The following USP8 variants were observed in gnomAD, a reference collection of about 807,000 sequenced individuals.
USP8 encodes ubiquitin specific peptidase 8.
In USP8, 27 loss-of-function variants were observed where a neutral mutation model predicts 130.0. That is an observed-to-expected ratio of 0.21 (90% CI 0.15 to 0.29). The LOEUF (loss-of-function observed/expected upper bound fraction) is 0.29. Ranked by LOEUF, USP8 falls within the 10% of genes least tolerant of loss-of-function variation. The probability of loss-of-function intolerance (pLI) is 1.00; values close to 1 mark genes in which losing one functional copy is unlikely to be tolerated. For missense variants in USP8, 1,029 were observed against 1,312.2 expected (o/e 0.78, Z 3.33); for synonymous variants, 392 against 444.1 (o/e 0.88, Z 1.48).
In USP8 at chr15:50,513,577, T is replaced by C. The variant is rs1250351639; in HGVS notation, c.*14489T>C. On this transcript the variant is annotated 3_prime_UTR_variant, in exon 20 of 20. Transcript: ENST00000307179. ...AGCCACAGAAGGTAATTTAAAAATG[T>C]ACACTCAAGATTTAAAAAGAACTAC... 1 of 146,686 alleles carries C rather than the reference T, an allele frequency of 6.8e-6. No homozygotes were observed. The highest frequency in any genetic ancestry group is 1.5e-5 in the Non-Finnish European group (1 of 66,924). The allele number at this position is 146,686 out of a possible 1,614,324, so 9.1% of individuals were successfully genotyped here.
At chr15:50,495,713 C>T in intron 16 of USP8, 135 bp from the exon 17 acceptor site, 1 of 662,208 alleles carries the variant, frequency 1.5e-6, no homozygotes, top group South Asian at 2.2e-5. Context: ...TTGCCACACT[C>T]AGTGAGATCA....
Position 50,501,723 on chromosome 15 carries a change from A to G in USP8, c.*2635A>G, listed in dbSNP as rs1425717819. The G allele has an allele frequency of 6.6e-6, 1 of 152,236 alleles. No homozygotes were observed. The highest frequency in any genetic ancestry group is 1.9e-4 in the East Asian group (1 of 5,182). 9.4% of individuals were successfully genotyped at this position (152,236 alleles called of 1,614,324 possible). On this transcript the variant is annotated 3_prime_UTR_variant, in exon 20 of 20. Coordinates refer to ENST00000307179, the MANE Select transcript of USP8 (RefSeq NM_005154.5). ...TGGAACAAAGGCATTAGAGAGGTGT[A>G]CTTCCAAGGAGGTGTTATGGTGTAT...
chr15:50,471,926 A>G (rs1338124526), intron 8 of USP8, 131 bp downstream of exon 8: 27 of 979,286 alleles, frequency 2.8e-5, no homozygotes, highest in Non-Finnish European at 4.0e-5. Flanking sequence ...TTTGAGACTG[A>G]GTCTCACTCT....
Position 50,511,085 on chromosome 15 carries a change from A to G in USP8, c.*11997A>G, listed in dbSNP as rs1158785942. ...CAGCCACCGTGCCCGGCCGATGTACACCAATGTTCTCTGTACAATTCTTTC... is the reference window on the plus strand; with the variant it reads ...CAGCCACCGTGCCCGGCCGATGTACGCCAATGTTCTCTGTACAATTCTTTC... On this transcript the variant is annotated 3_prime_UTR_variant, in exon 20 of 20. Transcript: ENST00000307179. The G allele has an allele frequency of 6.6e-6, 1 of 152,092 alleles. No homozygotes were observed. Among genetic ancestry groups the G allele is most frequent in the Non-Finnish European group, 1.5e-5 (1 of 68,000 alleles). 9.4% of individuals were successfully genotyped at this position (152,092 alleles called of 1,614,324 possible).
intron 1 of USP8, among the ~76,000 whole-genome samples, chr15:50,434,161 C>T (rs981491077): frequency 2.1e-4 from 31 of 151,174 alleles, no homozygotes; most frequent in African/African-American, 6.8e-4. Context: ...CTTGCTCTGT[C>T]GCCCAGACTC....
At chr15:50,443,601 A>G (rs1011898358) in intron 3 of USP8, among the ~76,000 whole-genome samples, 1 of 151,948 alleles carries the variant, frequency 6.6e-6, no homozygotes, top group Non-Finnish European at 1.5e-5. Context: ...CTCCTGCCTC[A>G]GCCTCCCGAG....
Position 50,501,119 on chromosome 15 carries a change from A to G in USP8, c.*2031A>G. Reference sequence around the variant, plus strand: ...GTTTATCAGTGAACATTTAGTTAGCACTTAATATACATCAACTATTAAGCA... The same window carrying G: ...GTTTATCAGTGAACATTTAGTTAGCGCTTAATATACATCAACTATTAAGCA... On this transcript the variant is annotated 3_prime_UTR_variant, in exon 20 of 20. Transcript: ENST00000307179. The G allele has an allele frequency of 3.0e-6, 1 of 332,242 alleles. No individual in the cohort carries two copies. The highest frequency in any genetic ancestry group is 5.8e-6 in the Non-Finnish European group (1 of 172,188). 20.6% of individuals were successfully genotyped at this position (332,242 alleles called of 1,614,324 possible).
At chr15:50,456,164 G>A (rs1011477135) in intron 4 of USP8, among the ~76,000 whole-genome samples, 24 of 152,158 alleles carry the variant, frequency 1.6e-4, no homozygotes, top group African/African-American at 5.6e-4. Flanking sequence ...TTTTTAAGGC[G>A]AAAGGATAGC....
chr15:50,466,819 A>G, intron 7 of USP8: 1 of 295,424 alleles, frequency 3.4e-6, no homozygotes. Flanking sequence ...TCTATGAGCC[A>G]CAGCATAAAA....
intron 10 of USP8, among the ~76,000 whole-genome samples, chr15:50,480,517 G>A (rs1372677439): frequency 6.6e-6 from 1 of 152,164 alleles, no homozygotes; most frequent in Non-Finnish European, 1.5e-5. Flanking sequence ...GCTAGTTCTA[G>A]GAACCAGGGA....
chr15:50,485,550 A>ATTTTTTTTTTTTTT lies in USP8; in HGVS notation c.1890+1209_1890+1222dup, dbSNP rs71424071. The stretch of plus-strand genomic sequence containing the variant: ...CCCATTTTTAGCATGCAGTTTAGTG[A>ATTTTTTTTTTTTTT]TTTTTTTTTTTTTTTTTTTTTTTTT... On this transcript the variant is annotated intron_variant, in intron 12 of 19. Transcript: ENST00000307179. Among the ~76,000 whole-genome samples, 29 of 27,944 alleles carry ATTTTTTTTTTTTTT rather than the reference A, an allele frequency of 1.0e-3. 3 individuals carry two copies. The highest frequency in any genetic ancestry group is 4.0e-3 in the Admixed American group (5 of 1,246). The allele number at this position is 27,944 out of a possible 152,430, so 18.3% of individuals were successfully genotyped here. A position where few individuals can be genotyped will look rare whatever the true frequency, so the allele number is the denominator to read the frequency against.
chr15:50,479,947 G>T (rs1347389481), intron 10 of USP8, among the ~76,000 whole-genome samples: 2 of 152,000 alleles, frequency 1.3e-5, no homozygotes, highest in Non-Finnish European at 2.9e-5. Context: ...TTTTTGTAGA[G>T]ATGGGGTTTT....
At chr15:50,479,855 T>C (rs1018621055) in intron 10 of USP8, among the ~76,000 whole-genome samples, 12 of 151,836 alleles carry the variant, frequency 7.9e-5, no homozygotes, top group African/African-American at 2.7e-4. Context: ...ACTTCCTGGG[T>C]TCAAGCAATC....
intron 1 of USP8, among the ~76,000 whole-genome samples, chr15:50,431,577 G>A (rs2049933235): frequency 1.3e-5 from 2 of 152,124 alleles, no homozygotes. Context: ...ATTGAGATAG[G>A]TGCCAGGGAT....
intron 11 of USP8, among the ~76,000 whole-genome samples, chr15:50,482,370 G>A (rs553511621): frequency 1.3e-5 from 2 of 152,266 alleles, no homozygotes; most frequent in Admixed American, 1.3e-4. Flanking sequence ...ATGATCATGG[G>A]AAGACTAGAG....
chr15:50,509,906 T>C lies in USP8; in HGVS notation c.*10818T>C, dbSNP rs1459320304. 2.6e-5 allele frequency: 4 copies of C among 152,102 alleles called. No homozygotes were observed. The highest frequency in any genetic ancestry group is 1.3e-4 in the Admixed American group (2 of 15,262). The allele number at this position is 152,102 out of a possible 1,614,324, so 9.4% of individuals were successfully genotyped here. ...CAAGGGCCAGGAATAATCGAAATAC[T>C]ACTGAAAAATAAGAATAAAGTTGTG... is the stretch of plus-strand genomic sequence containing the variant. On this transcript the variant is annotated 3_prime_UTR_variant, in exon 20 of 20. Transcript: ENST00000307179.
chr15:50,481,235 A>G (rs56398519), intron 10 of USP8, among the ~76,000 whole-genome samples: 70,442 of 152,050 alleles, frequency 0.46, 18,362 homozygotes, highest in Non-Finnish European at 0.59. Context: ...ACTCTTTTGT[A>G]TACAAAACAC....
chr15:50,447,852 C>G (rs932162276), intron 3 of USP8, among the ~76,000 whole-genome samples: 1 of 152,008 alleles, frequency 6.6e-6, no homozygotes, highest in Admixed American at 6.6e-5. Flanking sequence ...ATCCTCCTGC[C>G]TCTGCCTCCC....
intron 12 of USP8, among the ~76,000 whole-genome samples, chr15:50,488,353 A>AT (rs1419275154): frequency 1.3e-5 from 2 of 151,826 alleles, no homozygotes; most frequent in Non-Finnish European, 2.9e-5. Flanking sequence ...TTTTGACAGA[A>AT]TTTTTTTCCA....
Sources: allele counts gnomAD v4.1 joint callset (sites outside exome capture counted in the v4.1 genomes callset), GRCh38; gene constraint gnomAD v4.1.1; transcripts MANE v1.5; gene names NCBI Gene and HGNC (gene_info 2026-07-23, HGNC 2026-07-21).